Variants in NRXN1 observed in about 807,000 individuals in gnomAD.
NRXN1 encodes the protein neurexin 1, also known as neurexin-1.
Under a neutral mutation model 150.9 loss-of-function variants are expected in NRXN1, and 39 were observed. The ratio of observed to expected loss-of-function variants is 0.26; its 90% confidence interval spans 0.20 to 0.34. The LOEUF is 0.34. NRXN1 is among the 10% of genes least tolerant of loss of function. NRXN1 has a pLI of 1.00. For synonymous variants in NRXN1, 924 were observed against 757.0 expected (o/e 1.22, Z -3.62); for missense variants, 1,815 against 1,949.9 (o/e 0.93, Z 1.30).
At chr2:49,945,076 C>G (rs189987285) in intron 21 of NRXN1, 1 of 152,170 alleles carries the variant, frequency 6.6e-6, no homozygotes, top group Non-Finnish European at 1.5e-5. Context: ...TGTTCAGATG[C>G]GAATGCTTTA....
intron 5 of NRXN1, among the ~76,000 whole-genome samples, chr2:50,691,967 C>A (rs1287783838): frequency 3.3e-5 from 5 of 152,130 alleles, no homozygotes; most frequent in Admixed American, 1.3e-4. Flanking sequence ...TAGTTATATT[C>A]ATCTGAAAAT....
intron 5 of NRXN1, among the ~76,000 whole-genome samples, chr2:50,827,727 G>C (rs889751327): frequency 6.6e-6 from 1 of 151,826 alleles, no homozygotes; most frequent in South Asian, 2.1e-4. Flanking sequence ...AAGGTCTCTG[G>C]TTTTCCTAGG....
At chr2:50,592,832 G>A (rs1286118332) in intron 8 of NRXN1, among the ~76,000 whole-genome samples, 1 of 152,094 alleles carries the variant, frequency 6.6e-6, no homozygotes, top group African/African-American at 2.4e-5. Flanking sequence ...AAAAATTTTG[G>A]GAAAACAATT....
At chr2:50,044,425 C>T (rs916515100) in intron 21 of NRXN1, among the ~76,000 whole-genome samples, 1 of 152,114 alleles carries the variant, frequency 6.6e-6, no homozygotes, top group African/African-American at 2.4e-5. Context: ...TCCGCAAATG[C>T]AACTTAGATT....
At chr2:50,458,547 A>G (rs960379561) in intron 17 of NRXN1, among the ~76,000 whole-genome samples, 1 of 151,718 alleles carries the variant, frequency 6.6e-6, no homozygotes, top group Middle Eastern at 3.4e-3. Flanking sequence ...TACCACATGT[A>G]CCCCCTAAAT....
chr2:50,827,859 C>T (rs942825087), intron 5 of NRXN1, among the ~76,000 whole-genome samples: 9 of 149,478 alleles, frequency 6.0e-5, no homozygotes, highest in Non-Finnish European at 1.0e-4. Context: ...CATCTTGCAC[C>T]GCCCTTAATC....
intron 5 of NRXN1, among the ~76,000 whole-genome samples, chr2:50,813,182 C>A (rs1668466918): frequency 6.7e-6 from 1 of 150,188 alleles, no homozygotes. Flanking sequence ...GTGACAGCAA[C>A]ACCTTGTCTC....
At chr2:49,966,026 T>A (rs1676905588) in intron 21 of NRXN1, among the ~76,000 whole-genome samples, 1 of 152,138 alleles carries the variant, frequency 6.6e-6, no homozygotes, top group African/African-American at 2.4e-5. Context: ...AGAGAGAAAA[T>A]CAAAGTTTCT....
chr2:51,012,026 G>A (rs1341242650), intron 2 of NRXN1, among the ~76,000 whole-genome samples: 1 of 151,924 alleles, frequency 6.6e-6, no homozygotes, highest in African/African-American at 2.4e-5. Flanking sequence ...CATCTCTGTG[G>A]CAGCATTTAT....
chr2:50,773,514 T>C (rs1445214646), intron 5 of NRXN1, among the ~76,000 whole-genome samples: 1 of 152,066 alleles, frequency 6.6e-6, no homozygotes, highest in Non-Finnish European at 1.5e-5. Context: ...TCTACCTCTT[T>C]GTAAAGAATG....
chr2:50,396,549 G>A (rs1282842045), intron 17 of NRXN1, among the ~76,000 whole-genome samples: 2 of 151,988 alleles, frequency 1.3e-5, no homozygotes, highest in African/African-American at 4.8e-5. Context: ...TTTTGTTTTT[G>A]GAATGGGTTA....
At chr2:50,277,806 C>T (rs2070755837) in intron 17 of NRXN1, among the ~76,000 whole-genome samples, 1 of 151,888 alleles carries the variant, frequency 6.6e-6, no homozygotes, top group Non-Finnish European at 1.5e-5. Context: ...GAAGGGTGCA[C>T]CCATCTTTAT....
chr2:50,919,739 TA>T (rs1239482650), intron 5 of NRXN1: 1 of 155,280 alleles, frequency 6.4e-6, no homozygotes, highest in Non-Finnish European at 1.4e-5. Flanking sequence ...GTAAAGTTCC[TA>T]AATTATTTTT....
chr2:50,219,952 TAATA>T (rs1458898551), intron 18 of NRXN1, among the ~76,000 whole-genome samples: 4 of 67,622 alleles, frequency 5.9e-5, no homozygotes, highest in South Asian at 3.3e-4. Flanking sequence ...ATTATATATA[TAATA>T]TATATATTAT....
intron 5 of NRXN1, among the ~76,000 whole-genome samples, chr2:50,783,167 T>G (rs1392912122): frequency 6.6e-6 from 1 of 152,150 alleles, no homozygotes; most frequent in African/African-American, 2.4e-5. Context: ...AAATCAGTTT[T>G]TGTGTTATTT....
chr2:50,043,852 A>G (rs1201892954), intron 21 of NRXN1, among the ~76,000 whole-genome samples: 1 of 152,154 alleles, frequency 6.6e-6, no homozygotes, highest in East Asian at 1.9e-4. Flanking sequence ...TATATTTGTT[A>G]CTTGGTCCTG....
chr2:50,646,453 A>G (rs2104519840), intron 5 of NRXN1, among the ~76,000 whole-genome samples: 1 of 152,160 alleles, frequency 6.6e-6, no homozygotes, highest in South Asian at 2.1e-4. Flanking sequence ...TGTATTCAGA[A>G]AGTTTAAAAT....
Position 49,971,350 on chromosome 2 carries a change from C to T in NRXN1, c.4129-27559G>A, listed in dbSNP as rs916257932. Among the ~76,000 whole-genome samples the T allele has an allele frequency of 7.9e-5, 12 of 152,190 alleles. 1 individual carries two copies. Among genetic ancestry groups the T allele is most frequent in the Admixed American group, 2.0e-4 (3 of 15,286 alleles). On this transcript the variant is annotated intron_variant, in intron 21 of 22. Transcript: ENST00000401669. ...TTCATCCCAGAACATCTTTAATATG[C>T]GATGCTACATCACTAATTATTTTGT...
chr2:50,721,804 A>G (rs1401505914), intron 5 of NRXN1, among the ~76,000 whole-genome samples: 1 of 152,034 alleles, frequency 6.6e-6, no homozygotes, highest in Non-Finnish European at 1.5e-5. Flanking sequence ...TTTTACTCAT[A>G]TTTTACAGGT....
Sources: gnomAD v4.1 joint callset for allele counts (sites outside exome capture counted in the v4.1 genomes callset) on GRCh38, gnomAD v4.1.1 for gene constraint, MANE v1.5 for transcripts, NCBI Gene and HGNC (gene_info 2026-07-23, HGNC 2026-07-21) for gene names.